The following PAGE3 variants were observed in gnomAD, a reference collection of about 807,000 sequenced individuals.
The protein encoded by PAGE3 is P antigen family member 3.
Under a neutral mutation model 3.8 loss-of-function variants are expected in PAGE3, and 9 were observed. The observed-to-expected ratio is 2.36, with a 90% confidence interval of 1.42 to 4.12. The LOEUF is 4.12. Among genes scored for constraint, PAGE3 ranks in the 30% most tolerant of loss-of-function variants. PAGE3 has a pLI of 0.00. For missense variants in PAGE3, 73 were observed against 37.8 expected, an observed-to-expected ratio of 1.93 and a Z score of -2.44; for synonymous variants, 24 against 13.1, an observed-to-expected ratio of 1.83 and a Z score of -1.79.
chrX:55,262,247 T>A (rs1480133701), intron 3 of PAGE3, among the ~76,000 whole-genome samples: 2 of 111,909 alleles, frequency 1.8e-5, no homozygotes, highest in Non-Finnish European at 3.8e-5. Context: ...ACATAACCTT[T>A]TGATGTTTCT....
chrX:55,264,062 A>G, intron 1 of PAGE3, 151 bp from the exon 2 acceptor site: 1 of 385,829 alleles, frequency 2.6e-6, no homozygotes, highest in Non-Finnish European at 4.5e-6. Context: ...CATCTAATTT[A>G]GCCAAATATG....
chrX:55,258,876 T>C (rs972093850), intron 4 of PAGE3, among the ~76,000 whole-genome samples: 1 of 111,041 alleles, frequency 9.0e-6, no homozygotes, highest in Non-Finnish European at 1.9e-5. Flanking sequence ...AACATAAAAC[T>C]TAGGAAACAA....
chrX:55,262,703 G>GATATAT (rs10534339), intron 3 of PAGE3, among the ~76,000 whole-genome samples: 90 of 91,050 alleles, frequency 9.9e-4, no homozygotes, highest in African/African-American at 3.4e-3. Flanking sequence ...TGTTACATAT[G>GATATAT]ATATATATAT....
At position 55,263,495 on chromosome X, in the gene PAGE3, ATATACT is replaced by A. The variant is rs1006733652; in HGVS notation, c.85-142_85-137del. ...ACATTTTTTTCCTACACAATTCTAC[ATATACT>A]TATTCTTAATAGTTACTACAAGAGA... is the stretch of plus-strand genomic sequence containing the variant. On this transcript the variant is annotated intron_variant, in intron 2 of 4. Coordinates refer to ENST00000374951, the MANE Select transcript of PAGE3 (RefSeq NM_001017931.3). The A allele has an allele frequency of 9.5e-6, 4 of 423,043 alleles. No homozygotes were observed. In the African/African-American group the frequency reaches 1.0e-4, roughly 11 times the overall value. 34.9% of individuals were successfully genotyped at this position (423,043 alleles called of 1,213,427 possible). A position where few individuals can be genotyped will look rare whatever the true frequency, so the allele number is the denominator to read the frequency against.
chrX:55,263,025 A>G (rs753030337), intron 3 of PAGE3, among the ~76,000 whole-genome samples: 1 of 110,096 alleles, frequency 9.1e-6, no homozygotes, highest in South Asian at 3.9e-4. Flanking sequence ...TTGCTAATGA[A>G]ATGCTCTGGC....
chrX:55,262,175 T>C (rs1360657781), intron 3 of PAGE3, among the ~76,000 whole-genome samples: 1 of 111,897 alleles, frequency 8.9e-6, no homozygotes, highest in Admixed American at 9.5e-5. Flanking sequence ...TTGAGCTATG[T>C]AAATATTTTG....
At chrX:55,258,683 G>A (rs1240758955) in intron 4 of PAGE3, among the ~76,000 whole-genome samples, 155 bp from the exon 5 acceptor site, 2 of 111,375 alleles carry the variant, frequency 1.8e-5, no homozygotes, top group African/African-American at 6.5e-5. Context: ...TAGAGACTTT[G>A]AAGGTAGGCT....
At chrX:55,259,069 T>G (rs1468210369) in intron 4 of PAGE3, among the ~76,000 whole-genome samples, 1 of 111,781 alleles carries the variant, frequency 8.9e-6, no homozygotes, top group Non-Finnish European at 1.9e-5. Flanking sequence ...AGGTTAACCA[T>G]TTGTCTCTGT....
rs141248457 is a variant in PAGE3, at chrX:55,264,291, C to T, written c.-9+255G>A. On this transcript the variant is annotated intron_variant, in intron 1 of 4. Coordinates refer to ENST00000374951, the MANE Select transcript of PAGE3 (RefSeq NM_001017931.3). ...CCCCTAAAATCAAGTTTTATTGGAA[C>T]GCACAGCCTCTCCCATTCCTGCCCG... is the stretch of plus-strand genomic sequence containing the variant. Among the ~76,000 whole-genome samples the T allele has an allele frequency of 1.7e-3, 194 of 110,882 alleles. 1 individual carries two copies. Among genetic ancestry groups the T allele is most frequent in the South Asian group, 1.2e-3 (3 of 2,546 alleles).
At position 55,263,250 on chromosome X, in the gene PAGE3, C is replaced by T. The variant is rs774619815; in HGVS notation, c.193+1G>A. 4 of 567,352 alleles carry T rather than the reference C, an allele frequency of 7.1e-6. No homozygotes were observed. Among genetic ancestry groups the T allele is most frequent in the Non-Finnish European group, 1.3e-5 (4 of 308,015 alleles). The allele number at this position is 567,352 out of a possible 1,213,427, so 46.8% of individuals were successfully genotyped here. A position where few individuals can be genotyped will look rare whatever the true frequency, so the allele number is the denominator to read the frequency against. ...GGCATTCTTCCTCTCCCACGCTTCA[C>T]CTTGGAAGTCCAGTGCTCCCTCGTC... On this transcript the variant is annotated splice_donor_variant, in intron 3 of 4. Transcript: ENST00000374951. LOFTEE classifies it high-confidence loss of function.
rs948980438 is a variant in PAGE3, at chrX:55,263,748, T to G, written c.84+72A>C. ...AAGCATGGAAAACCTTATTAATATA[T>G]CAATATTAGTTCAACAACATTTTCA... On this transcript the variant is annotated intron_variant, in intron 2 of 4. Coordinates refer to ENST00000374951, the MANE Select transcript of PAGE3 (RefSeq NM_001017931.3). The G allele has an allele frequency of 1.0e-5, 5 of 501,488 alleles. No individual in the cohort carries two copies. In the Admixed American group the frequency reaches 1.4e-4, roughly 14 times the overall value. The allele number at this position is 501,488 out of a possible 1,213,427, so 41.3% of individuals were successfully genotyped here.
chrX:55,262,791 T>A (rs1303113494), intron 3 of PAGE3, among the ~76,000 whole-genome samples: 2 of 104,461 alleles, frequency 1.9e-5, no homozygotes, highest in African/African-American at 7.0e-5. Flanking sequence ...GCTAGTTTAA[T>A]CCAAAGTGTG....
chrX:55,260,717 A>T lies in PAGE3; in HGVS notation c.194-58T>A, dbSNP rs191282962. 582 of 460,894 alleles carry T rather than the reference A, an allele frequency of 1.3e-3. 4 individuals are homozygous for T. The highest frequency in any genetic ancestry group is 7.8e-3 in the South Asian group (233 of 29,762). 38.0% of individuals were successfully genotyped at this position (460,894 alleles called of 1,213,427 possible). ...GTAAAACATAAAATATAAATAAAAG[A>T]ATGATAATATTCACTCCCTCAATGT... On this transcript the variant is annotated intron_variant, in intron 3 of 4. Coordinates refer to ENST00000374951, the MANE Select transcript of PAGE3 (RefSeq NM_001017931.3).
At chrX:55,263,949 AG>A in intron 1 of PAGE3, 38 bp from the exon 2 acceptor site, 2 of 527,598 alleles carry the variant, frequency 3.8e-6, no homozygotes, top group Non-Finnish European at 6.9e-6. Context: ...AATGTACATA[AG>A]AGTGTATCAT....
At chrX:55,262,856 A>G (rs765810452) in intron 3 of PAGE3, among the ~76,000 whole-genome samples, 1 of 107,074 alleles carries the variant, frequency 9.3e-6, no homozygotes, top group Admixed American at 1.0e-4. Context: ...TATGTGATCT[A>G]TAATATATGT....
At chrX:55,263,726 C>A in intron 2 of PAGE3, 94 bp downstream of exon 2, 1 of 448,063 alleles carries the variant, frequency 2.2e-6, no homozygotes, top group Non-Finnish European at 3.9e-6. Context: ...CATTTACAAG[C>A]ATGGAAAACC....
At chrX:55,258,685 A>ACC (rs1281566944) in intron 4 of PAGE3, among the ~76,000 whole-genome samples, 157 bp from the exon 5 acceptor site, 2 of 111,582 alleles carry the variant, frequency 1.8e-5, no homozygotes, top group African/African-American at 6.5e-5. Context: ...GAGACTTTGA[A>ACC]GGTAGGCTTT....
In PAGE3 at chrX:55,263,828, C is replaced by A; in HGVS notation, c.76G>T (p.Ala26Ser). 1 of 566,520 alleles carries A rather than the reference C, an allele frequency of 1.8e-6. No individual in the cohort carries two copies. Among genetic ancestry groups the A allele is most frequent in the East Asian group, 3.3e-5 (1 of 30,734 alleles). 46.7% of individuals were successfully genotyped at this position (566,520 alleles called of 1,213,427 possible). Reference protein sequence around the residue: ...DDQDSNHPVGAVVAQELPSND... With the variant: ...DDQDSNHPVGSVVAQELPSND... ...AATGTTAAAATACTCACAACCACAGCCCCTACTGGATGATTAGAGTCTTGA... is the reference window on the plus strand; with the variant it reads ...AATGTTAAAATACTCACAACCACAGACCCTACTGGATGATTAGAGTCTTGA... Residue 26 changes from alanine to serine, a missense_variant, in exon 2 of 5, where the codon GCT becomes TCT. Ala to Ser is a moderately conservative substitution (Grantham distance 99). Transcript: ENST00000374951.
At chrX:55,264,223 G>A (rs181609053) in intron 1 of PAGE3, among the ~76,000 whole-genome samples, 1 of 110,375 alleles carries the variant, frequency 9.1e-6, no homozygotes, top group Non-Finnish European at 1.9e-5. Context: ...GAACCGGAGT[G>A]ACTACTGCTT....
Sources: gnomAD v4.1 joint callset for allele counts (sites outside exome capture counted in the v4.1 genomes callset) on GRCh38, gnomAD v4.1.1 for gene constraint, MANE v1.5 for transcripts, NCBI Gene and HGNC (gene_info 2026-07-23, HGNC 2026-07-21) for gene names.